Variants in ACP6 observed in about 807,000 individuals in gnomAD.
ACP6 encodes the protein acid phosphatase 6, lysophosphatidic.
A neutral mutation model predicts 48.1 loss-of-function variants in ACP6; 48 were observed. The ratio of observed to expected loss-of-function variants is 1.00; its 90% CI spans 0.79 to 1.27. The LOEUF is 1.27. Ranked by LOEUF, ACP6 falls within the 50% of genes most tolerant of loss-of-function variation. The probability of loss-of-function intolerance (pLI) is 0.00; values close to 1 mark genes in which losing one functional copy is unlikely to be tolerated. For missense variants in ACP6, 485 were observed against 529.1 expected (o/e 0.92, Z 0.82); for synonymous variants, 172 against 204.2 (o/e 0.84, Z 1.34).
At position 147,646,791 on chromosome 1, in the gene ACP6, T is replaced by C. The variant is rs1014225924; in HGVS notation, c.*632A>G. 1.0e-4 allele frequency: 16 copies of C among 152,500 alleles called. No individual in the cohort carries two copies. Among genetic ancestry groups the C allele is most frequent in the African/African-American group, 3.9e-4 (16 of 41,426 alleles). 9.4% of individuals were successfully genotyped at this position (152,500 alleles called of 1,614,324 possible). A position where few individuals can be genotyped will look rare whatever the true frequency, so the allele number is the denominator to read the frequency against. On this transcript the variant is annotated 3_prime_UTR_variant, in exon 10 of 10. Coordinates refer to ENST00000583509, the MANE Select transcript of ACP6 (RefSeq NM_016361.5). ...CAACGTTCCCTGACCTTGAAGCCTA[T>C]CCTTTATCTAAACGCAACACGCTTT...
intron 4 of ACP6, among the ~76,000 whole-genome samples, chr1:147,656,828 C>G (rs1413015571): frequency 6.6e-6 from 1 of 152,094 alleles, no homozygotes; most frequent in Non-Finnish European, 1.5e-5. Flanking sequence ...CATGGATTAA[C>G]AATATTTGAG....
intron 5 of ACP6, among the ~76,000 whole-genome samples, chr1:147,631,311 T>C (rs1444389468): frequency 6.6e-6 from 1 of 152,208 alleles, no homozygotes; most frequent in Non-Finnish European, 1.5e-5. Context: ...CTGGGACTCA[T>C]TCCTAATTCT....
chr1:147,663,676 C>T (rs1224128786), intron 1 of ACP6, among the ~76,000 whole-genome samples: 4 of 152,098 alleles, frequency 2.6e-5, no homozygotes, highest in South Asian at 4.1e-4. Context: ...ACTTCTACCC[C>T]CTTTGTCCAG....
chr1:147,650,310 C>G, intron 7 of ACP6, 72 bp from the exon 8 acceptor site: 1 of 1,110,370 alleles, frequency 9.0e-7, no homozygotes, highest in Non-Finnish European at 1.3e-6. Flanking sequence ...TGATTCTGCC[C>G]CCAGGACCTC....
intron 4 of ACP6, among the ~76,000 whole-genome samples, chr1:147,658,357 C>T (rs927531901): frequency 5.9e-5 from 9 of 152,116 alleles, no homozygotes; most frequent in South Asian, 2.1e-4. Flanking sequence ...TAAATTTGAG[C>T]CAATAACAAA....
chr1:147,668,810 G>T (rs1475022763), intron 1 of ACP6, among the ~76,000 whole-genome samples: 1 of 152,186 alleles, frequency 6.6e-6, no homozygotes, highest in East Asian at 1.9e-4. Flanking sequence ...AAATGCTTTA[G>T]AAGTTTAATT....
intron 1 of ACP6, among the ~76,000 whole-genome samples, chr1:147,662,484 C>A (rs1225826377): frequency 6.6e-6 from 1 of 152,130 alleles, no homozygotes; most frequent in Non-Finnish European, 1.5e-5. Context: ...AGATTTGACT[C>A]CAACCCTCAT....
At chr1:147,640,624 T>C (rs1659422526), downstream of ACP6, among the ~76,000 whole-genome samples, 1 of 152,186 alleles carries the variant, frequency 6.6e-6, no homozygotes, top group African/African-American at 2.4e-5. Context: ...TTAATGGACT[T>C]GCCCAAAGTC....
At chr1:147,659,266 G>A in intron 3 of ACP6, 130 bp downstream of exon 3, 1 of 1,313,342 alleles carries the variant, frequency 7.6e-7, no homozygotes, top group African/African-American at 1.5e-5. Flanking sequence ...TGACATAAGG[G>A]TATGCAGCAT....
chr1:147,658,955 C>T lies in ACP6; in HGVS notation c.559+5G>A, dbSNP rs782042918. 14 of 1,609,332 alleles carry T rather than the reference C, an allele frequency of 8.7e-6. No individual in the cohort carries two copies. Among genetic ancestry groups the T allele is most frequent in the Middle Eastern group, 1.6e-4 (1 of 6,062 alleles). ...CAGGGACTGACTGGGACCCCAAATA[C>T]GAACCTTCTTTCTGACACTGGAAAA... On this transcript the variant is annotated splice_donor_5th_base_variant and intron_variant, in intron 4 of 9. Transcript: ENST00000583509.
chr1:147,654,542 C>T (rs1290554467), intron 5 of ACP6, among the ~76,000 whole-genome samples: 4 of 152,174 alleles, frequency 2.6e-5, no homozygotes, highest in African/African-American at 9.7e-5. Context: ...GTTAGGATAA[C>T]AGGATGAAAT....
At chr1:147,649,743 C>T (rs587769033) in intron 8 of ACP6, 25 of 197,014 alleles carry the variant, frequency 1.3e-4, no homozygotes, top group Non-Finnish European at 2.4e-4. Context: ...CACCTGGCCA[C>T]TTCCAATATT....
chr1:147,650,307 G>A, intron 7 of ACP6, 69 bp from the exon 8 acceptor site: 1 of 1,168,724 alleles, frequency 8.6e-7, no homozygotes, highest in African/African-American at 1.6e-5. Context: ...GACTGATTCT[G>A]CCCCCAGGAC....
In ACP6 at chr1:147,654,183, C is replaced by A; in HGVS notation, c.780+11G>T. 1 of 1,613,756 alleles carries A rather than the reference C, an allele frequency of 6.2e-7. No homozygotes were observed. The highest frequency in any genetic ancestry group is 8.5e-7 in the Non-Finnish European group (1 of 1,179,862). On this transcript the variant is annotated intron_variant, in intron 6 of 9. Coordinates refer to ENST00000583509, the MANE Select transcript of ACP6 (RefSeq NM_016361.5). ...GGCTATTATCCCAGGCTCCCCAACC[C>A]CAGGACTCACCTGCTCGGCAGCCAC...
At chr1:147,654,450 G>C (rs995693304) in intron 5 of ACP6, 124 bp from the exon 6 acceptor site, 1 of 1,048,696 alleles carries the variant, frequency 9.5e-7, no homozygotes, top group Non-Finnish European at 1.3e-6. Flanking sequence ...GGGTTAGCTG[G>C]TATTATCCCA....
At chr1:147,659,264 G>A in intron 3 of ACP6, 132 bp downstream of exon 3, 1 of 1,300,838 alleles carries the variant, frequency 7.7e-7, no homozygotes, top group Non-Finnish European at 1.1e-6. Context: ...TGTGACATAA[G>A]GGTATGCAGC....
downstream of ACP6, among the ~76,000 whole-genome samples, chr1:147,640,434 A>T (rs1181195294): frequency 2.6e-5 from 4 of 152,110 alleles, no homozygotes; most frequent in Non-Finnish European, 4.4e-5. Flanking sequence ...GCTCCGGAGG[A>T]GCCACAAAGA....
At chr1:147,648,486 C>T (rs587599700) in intron 8 of ACP6, 75 bp from the exon 9 acceptor site, 26 of 1,539,306 alleles carry the variant, frequency 1.7e-5, no homozygotes, top group Middle Eastern at 1.8e-4. Flanking sequence ...GCCTCCTTTA[C>T]GTAAGACACA....
chr1:147,659,509 C>T lies in ACP6; in HGVS notation c.366G>A (p.Gly122=), dbSNP rs1187636029. ...ETTLKGGMFA[G]QLTKVGMQQM... is the part of the protein sequence containing the mutation. ...GCTGCATGCCCACCTTGGTCAGCTG[C>T]CCAGCAAACATGCCCCCCTAAAGTA... Residue 122 remains glycine, a synonymous_variant, in exon 3 of 10, where the codon GGG becomes GGA. Transcript: ENST00000583509. 7 of 1,613,996 alleles carry T rather than the reference C, an allele frequency of 4.3e-6. No homozygotes were observed. Among genetic ancestry groups the T allele is most frequent in the Non-Finnish European group, 5.9e-6 (7 of 1,180,022 alleles).
Sources: allele counts gnomAD v4.1 joint callset (sites outside exome capture counted in the v4.1 genomes callset), GRCh38; gene constraint gnomAD v4.1.1; transcripts MANE v1.5; gene names NCBI Gene and HGNC (gene_info 2026-07-23, HGNC 2026-07-21).